Variants in SETD5 observed in about 807,000 individuals in gnomAD.
SETD5 encodes the protein histone-lysine N-methyltransferase SETD5.
A neutral mutation model predicts 153.3 loss-of-function variants in SETD5; 44 were observed. The observed-to-expected ratio is 0.29, with a 90% CI of 0.23 to 0.37. SETD5 has a LOEUF of 0.37. Among genes scored for constraint, SETD5 ranks in the 10% least tolerant of loss-of-function variants. SETD5 has a pLI of 1.00. For synonymous variants in SETD5, 716 were observed against 645.2 expected (o/e 1.11, Z -1.66); for missense variants, 1,544 against 1,768.0 (o/e 0.87, Z 2.27).
At position 9,397,986 on chromosome 3, in the gene SETD5, C is replaced by G. The variant is rs1210522179; in HGVS notation, c.-177+9C>G. The G allele has an allele frequency of 1.3e-5, 2 of 152,242 alleles. No homozygotes were observed. Among genetic ancestry groups the G allele is most frequent in the Non-Finnish European group, 2.9e-5 (2 of 68,200 alleles). 9.4% of individuals were successfully genotyped at this position (152,242 alleles called of 1,614,324 possible). A position where few individuals can be genotyped will look rare whatever the true frequency, so the allele number is the denominator to read the frequency against. On this transcript the variant is annotated intron_variant, in intron 1 of 22. Transcript: ENST00000402198. The stretch of plus-strand genomic sequence containing the variant: ...GCAGCGCCTGGGACAAGGTAAGGGT[C>G]CGACAGAAAAGAGACCGAACCTCAC...
At chr3:9,472,953 G>C (rs2045480740) in intron 19 of SETD5, among the ~76,000 whole-genome samples, 1 of 152,106 alleles carries the variant, frequency 6.6e-6, no homozygotes, top group Non-Finnish European at 1.5e-5. Flanking sequence ...TCTGAAGGCA[G>C]AAAAAAAGAT....
chr3:9,448,915 G>A (rs1215106244), intron 16 of SETD5, among the ~76,000 whole-genome samples: 1 of 152,224 alleles, frequency 6.6e-6, no homozygotes, highest in African/African-American at 2.4e-5. Flanking sequence ...GCACACAGCA[G>A]TGGATGACTG....
At chr3:9,429,796 C>A (rs1371508784) in intron 3 of SETD5, 1 of 1,274,486 alleles carries the variant, frequency 7.8e-7, no homozygotes, top group Non-Finnish European at 1.0e-6. Context: ...GTCCTTTTAC[C>A]TCCCTTGTAC....
At chr3:9,419,010 A>G (rs1011575777) in intron 1 of SETD5, among the ~76,000 whole-genome samples, 2 of 151,976 alleles carry the variant, frequency 1.3e-5, no homozygotes, top group Non-Finnish European at 2.9e-5. Context: ...TATTTTTAGT[A>G]GAGACGGGGT....
intron 18 of SETD5, among the ~76,000 whole-genome samples, chr3:9,468,161 C>G (rs1439651601): frequency 6.6e-6 from 1 of 151,598 alleles, no homozygotes; most frequent in East Asian, 2.0e-4. Context: ...GGGTGCCCCT[C>G]AATAACAAAT....
intron 7 of SETD5, among the ~76,000 whole-genome samples, chr3:9,436,634 A>T (rs1252757837): frequency 6.6e-6 from 1 of 152,192 alleles, no homozygotes; most frequent in Admixed American, 6.5e-5. Flanking sequence ...ACCTAGCTTC[A>T]CAGTAGAAAG....
At chr3:9,417,038 G>T (rs2037572121) in intron 1 of SETD5, among the ~76,000 whole-genome samples, 1 of 152,026 alleles carries the variant, frequency 6.6e-6, no homozygotes, top group Admixed American at 6.6e-5. Flanking sequence ...AAATGTTCTT[G>T]TTCCATTCAG....
chr3:9,397,803 T>G lies in SETD5; in HGVS notation c.-351T>G. 1 of 7,326 alleles carries G rather than the reference T, an allele frequency of 1.4e-4. No individual in the cohort carries two copies. The highest frequency in any genetic ancestry group is 3.4e-4 in the Non-Finnish European group (1 of 2,978). 0.5% of individuals were successfully genotyped at this position (7,326 alleles called of 1,614,324 possible). The stretch of plus-strand genomic sequence containing the variant: ...CCTCTTTCCCTGGCCCTGCCCCCCC[T>G]CCCCGCCTTTGGCTCGCTCCGCCTT... On this transcript the variant is annotated 5_prime_UTR_variant, in exon 1 of 23. Coordinates refer to ENST00000402198, the MANE Select transcript of SETD5 (RefSeq NM_001080517.3).
intron 1 of SETD5, among the ~76,000 whole-genome samples, chr3:9,403,891 C>A (rs925408388): frequency 6.6e-6 from 1 of 152,040 alleles, no homozygotes; most frequent in African/African-American, 2.4e-5. Flanking sequence ...TTTTTAGTTA[C>A]TTTTAAAATA....
rs67028533 is a variant in SETD5, at chr3:9,454,622, C to CAA, written c.2476+781_2476+782dup. On this transcript the variant is annotated intron_variant, in intron 17 of 22. Transcript: ENST00000402198. ...GGGCGACAAGAATGAAACTCCGTCT[C>CAA]AAAAAAAAAAAAAAAAAAAAAAAAA... Among the ~76,000 whole-genome samples the CAA allele has an allele frequency of 3.0e-3, 172 of 58,034 alleles. 9 individuals are homozygous for CAA. The highest frequency in any genetic ancestry group is 4.1e-3 in the Non-Finnish European group (130 of 31,506). 38.1% of individuals were successfully genotyped at this position (58,034 alleles called of 152,430 possible). A position where few individuals can be genotyped will look rare whatever the true frequency, so the allele number is the denominator to read the frequency against.
intron 17 of SETD5, among the ~76,000 whole-genome samples, chr3:9,459,589 C>T (rs927069075): frequency 3.3e-5 from 5 of 150,448 alleles, no homozygotes; most frequent in African/African-American, 2.4e-5. Context: ...GCTAACACGG[C>T]GAAACCCCGT....
intron 17 of SETD5, among the ~76,000 whole-genome samples, chr3:9,454,861 TA>T (rs1260903349): frequency 9.2e-5 from 14 of 152,126 alleles, no homozygotes; most frequent in Non-Finnish European, 8.8e-5. Flanking sequence ...GTGATTTTCA[TA>T]ACTTTTCTCT....
chr3:9,405,910 C>T (rs2035577507), intron 1 of SETD5, among the ~76,000 whole-genome samples: 1 of 152,080 alleles, frequency 6.6e-6, no homozygotes, highest in South Asian at 2.1e-4. Flanking sequence ...CTGTACATGC[C>T]ACAACACATA....
chr3:9,430,641 A>C (rs1253948551), intron 3 of SETD5: 1 of 215,546 alleles, frequency 4.6e-6, no homozygotes. Context: ...AACTGTATAG[A>C]TAGATAGCAT....
intron 1 of SETD5, among the ~76,000 whole-genome samples, chr3:9,416,131 C>T (rs1000915478): frequency 1.3e-5 from 2 of 152,154 alleles, no homozygotes; most frequent in Non-Finnish European, 2.9e-5. Flanking sequence ...ATTATTGACT[C>T]ATTTTTCCAT....
At chr3:9,446,992 A>T in intron 13 of SETD5, 58 bp from the exon 14 acceptor site, 3 of 1,253,960 alleles carry the variant, frequency 2.4e-6, no homozygotes, top group Non-Finnish European at 2.2e-6. Flanking sequence ...CTTTTATAAA[A>T]GCTATCCACT....
chr3:9,453,966 C>A, intron 17 of SETD5, 98 bp downstream of exon 17: 2 of 1,298,394 alleles, frequency 1.5e-6, no homozygotes, highest in Non-Finnish European at 2.0e-6. Flanking sequence ...AAAGAAATGG[C>A]GTGTTTTCTA....
At chr3:9,415,877 CT>C (rs1236644057) in intron 1 of SETD5, among the ~76,000 whole-genome samples, 432 of 141,448 alleles carry the variant, frequency 3.1e-3, no homozygotes, top group Middle Eastern at 3.7e-3. Flanking sequence ...TGCTGTTGAA[CT>C]TTTTTTTTTT....
At chr3:9,413,162 AT>A (rs1362617927) in intron 1 of SETD5, among the ~76,000 whole-genome samples, 28 of 152,290 alleles carry the variant, frequency 1.8e-4, no homozygotes, top group Middle Eastern at 6.8e-3. Context: ...CTCTGAGCCC[AT>A]TTCCTCTCCT....
Sources: allele counts gnomAD v4.1 joint callset (sites outside exome capture counted in the v4.1 genomes callset), GRCh38; gene constraint gnomAD v4.1.1; transcripts MANE v1.5; gene names NCBI Gene and HGNC (gene_info 2026-07-23, HGNC 2026-07-21).